FOXP1: variants seen among roughly 807,000 people sequenced by gnomAD.
The protein encoded by FOXP1 is forkhead box protein P1.
Under a neutral mutation model 98.2 loss-of-function variants are expected in FOXP1, and 15 were observed. The observed-to-expected ratio is 0.15, with a 90% CI of 0.10 to 0.24. FOXP1 has a LOEUF of 0.24. Among genes scored for constraint, FOXP1 ranks in the 10% least tolerant of loss-of-function variants. The probability of loss-of-function intolerance (pLI) is 1.00; values close to 1 mark genes in which losing one functional copy is unlikely to be tolerated. For missense variants in FOXP1, 633 were observed against 848.5 expected, an observed-to-expected ratio of 0.75 and a Z score of 3.15; for synonymous variants, 371 against 314.5, an observed-to-expected ratio of 1.18 and a Z score of -1.90.
At chr3:71,205,590 C>G (rs1246583367) in intron 5 of FOXP1, among the ~76,000 whole-genome samples, 1 of 152,114 alleles carries the variant, frequency 6.6e-6, no homozygotes, top group South Asian at 2.1e-4. Flanking sequence ...CATTCCAGGT[C>G]TCAGGTGAGT....
chr3:71,043,568 C>T (rs919590859), intron 10 of FOXP1, among the ~76,000 whole-genome samples: 6 of 152,268 alleles, frequency 3.9e-5, no homozygotes, highest in African/African-American at 1.2e-4. Flanking sequence ...AGTTAATAGG[C>T]TTGTCTGTTG....
At chr3:71,401,270 G>A (rs552575533) in intron 3 of FOXP1, among the ~76,000 whole-genome samples, 11 of 152,236 alleles carry the variant, frequency 7.2e-5, no homozygotes, top group African/African-American at 2.6e-4. Context: ...TAGAAAACAG[G>A]CACCAACTCC....
chr3:71,281,590 C>T (rs1481586433), intron 5 of FOXP1, among the ~76,000 whole-genome samples: 1 of 152,232 alleles, frequency 6.6e-6, no homozygotes, highest in Non-Finnish European at 1.5e-5. Flanking sequence ...TCAGGCCTGT[C>T]AAGAGCCTAA....
chr3:71,577,485 A>G (rs146105209), intron 2 of FOXP1, among the ~76,000 whole-genome samples: 71 of 152,176 alleles, frequency 4.7e-4, no homozygotes, highest in African/African-American at 1.7e-3. Flanking sequence ...AGATACCCCA[A>G]ATTTCGCCAG....
chr3:71,392,696 T>C (rs1560417684), intron 3 of FOXP1, among the ~76,000 whole-genome samples: 1 of 152,240 alleles, frequency 6.6e-6, no homozygotes, highest in Non-Finnish European at 1.5e-5. Flanking sequence ...GAAAGCTCAC[T>C]TTTCCATGAA....
chr3:71,491,267 C>A (rs1352023780), intron 3 of FOXP1, among the ~76,000 whole-genome samples: 2 of 152,300 alleles, frequency 1.3e-5, no homozygotes, highest in East Asian at 3.9e-4. Flanking sequence ...CTACCCACCT[C>A]GGCCTCCCAA....
chr3:71,016,604 G>A (rs2044523722), intron 11 of FOXP1, among the ~76,000 whole-genome samples: 2 of 150,844 alleles, frequency 1.3e-5, no homozygotes, highest in Non-Finnish European at 2.9e-5. Context: ...CAACTTACTC[G>A]ACTGTCTCTG....
chr3:71,313,559 A>G (rs2074856779), intron 4 of FOXP1, among the ~76,000 whole-genome samples: 1 of 145,310 alleles, frequency 6.9e-6, no homozygotes, highest in Non-Finnish European at 1.5e-5. Context: ...ACAGTCTCGC[A>G]CTCTCGCCCA....
chr3:71,327,522 G>T (rs9826908), intron 4 of FOXP1, among the ~76,000 whole-genome samples: 2 of 148,682 alleles, frequency 1.3e-5, no homozygotes, highest in South Asian at 4.3e-4. Context: ...CGAGTAGCTG[G>T]GACTACAGGC....
chr3:71,041,579 G>A (rs373993260), intron 10 of FOXP1, 47 bp from the exon 11 acceptor site: 51 of 1,551,682 alleles, frequency 3.3e-5, no homozygotes, highest in East Asian at 4.5e-5. Flanking sequence ...AGCTAATTCC[G>A]TCCTCTTCAA....
chr3:71,152,856 A>G (rs2060637780), intron 6 of FOXP1, among the ~76,000 whole-genome samples: 1 of 152,174 alleles, frequency 6.6e-6, no homozygotes, highest in Non-Finnish European at 1.5e-5. Context: ...CAGTTTACCT[A>G]TTTCCAACAA....
intron 6 of FOXP1, among the ~76,000 whole-genome samples, chr3:71,174,826 A>ACACACACAC (rs1050762895): frequency 1.4e-5 from 2 of 147,228 alleles, no homozygotes; most frequent in Admixed American, 1.4e-4. Context: ...ACACACACAC[A>ACACACACAC]CCCCAATATA....
At chr3:71,108,171 T>C (rs1384270714) in intron 7 of FOXP1, among the ~76,000 whole-genome samples, 5 of 152,232 alleles carry the variant, frequency 3.3e-5, no homozygotes, top group Non-Finnish European at 7.3e-5. Flanking sequence ...CTTTCTTTCC[T>C]AACTTTAATG....
At chr3:71,424,010 T>C (rs990452208) in intron 3 of FOXP1, among the ~76,000 whole-genome samples, 7 of 152,232 alleles carry the variant, frequency 4.6e-5, no homozygotes, top group African/African-American at 1.2e-4. Flanking sequence ...CCCAGGTTTA[T>C]CTGGAATTCT....
intron 3 of FOXP1, among the ~76,000 whole-genome samples, chr3:71,451,137 G>A (rs1462005501): frequency 6.6e-6 from 1 of 152,294 alleles, no homozygotes; most frequent in East Asian, 1.9e-4. Context: ...TTCAATGAGT[G>A]GAGTTCAAAA....
intron 6 of FOXP1, among the ~76,000 whole-genome samples, chr3:71,140,883 G>A (rs1019303636): frequency 2.0e-5 from 3 of 152,036 alleles, no homozygotes; most frequent in Non-Finnish European, 4.4e-5. Context: ...GGAGGCCAAG[G>A]TGGGAGGATC....
chr3:71,226,615 C>T, intron 5 of FOXP1, among the ~76,000 whole-genome samples: 1 of 151,970 alleles, frequency 6.6e-6, no homozygotes, highest in Non-Finnish European at 1.5e-5. Context: ...TTCTGCATCT[C>T]ATTCTGGCTC....
chr3:71,152,591 C>A (rs1053909466), intron 6 of FOXP1, among the ~76,000 whole-genome samples: 4 of 152,140 alleles, frequency 2.6e-5, no homozygotes, highest in African/African-American at 9.7e-5. Flanking sequence ...GCTCTGACCC[C>A]CACACAGACC....
intron 2 of FOXP1, among the ~76,000 whole-genome samples, chr3:71,565,086 A>C (rs1276547887): frequency 6.6e-6 from 1 of 152,192 alleles, no homozygotes; most frequent in African/African-American, 2.4e-5. Flanking sequence ...GCGACAGAGC[A>C]AGACTTTGTC....
Sources: allele counts gnomAD v4.1 joint callset (sites outside exome capture counted in the v4.1 genomes callset), GRCh38; gene constraint gnomAD v4.1.1; transcripts MANE v1.5; gene names NCBI Gene and HGNC (gene_info 2026-07-23, HGNC 2026-07-21).